Variants in LRP1B observed in about 807,000 individuals in gnomAD.
LRP1B encodes the protein LDL receptor related protein 1B.
A neutral mutation model predicts 556.6 loss-of-function variants in LRP1B; 217 were observed. The observed-to-expected ratio is 0.39, with a 90% CI of 0.35 to 0.44. The LOEUF (loss-of-function observed/expected upper bound fraction) is 0.44. Ranked by LOEUF, LRP1B falls within the 20% of genes least tolerant of loss-of-function variation. The pLI is 1.00. For missense variants in LRP1B, 5,053 were observed against 5,620.8 expected, an observed-to-expected ratio of 0.90 and a Z score of 3.23; for synonymous variants, 2,047 against 1,865.8, an observed-to-expected ratio of 1.10 and a Z score of -2.50.
chr2:141,732,059 G>T (rs1380796601), intron 2 of LRP1B, among the ~76,000 whole-genome samples: 3 of 152,050 alleles, frequency 2.0e-5, no homozygotes, highest in African/African-American at 7.2e-5. Context: ...ATCCAATATG[G>T]TATTTTTCAA....
intron 25 of LRP1B, among the ~76,000 whole-genome samples, chr2:140,876,605 G>A (rs12691578): frequency 0.84 from 127,511 of 152,050 alleles, 53,876 homozygotes; most frequent in Non-Finnish European, 0.89. Flanking sequence ...GACCTGGGGT[G>A]AGTAAAGAAC....
At chr2:141,641,817 T>C (rs1270225114) in intron 2 of LRP1B, among the ~76,000 whole-genome samples, 1 of 152,194 alleles carries the variant, frequency 6.6e-6, no homozygotes, top group Non-Finnish European at 1.5e-5. Flanking sequence ...TAACATTGTT[T>C]AATGATTTTT....
rs1574064641 is a variant in LRP1B, at chr2:141,544,340, C to CTTCTTCTTCTTCTTCTTCTTCTT, written c.206-63830_206-63808dup. On this transcript the variant is annotated intron_variant, in intron 2 of 90. Coordinates refer to ENST00000389484, the MANE Select transcript of LRP1B (RefSeq NM_018557.3). Reference sequence around the variant, plus strand: ...TCTTCTTCTTCTTCTTCTTCTTCTTCTTCTTCTTCTTCTTCTTCTTCTTCT... The same window carrying CTTCTTCTTCTTCTTCTTCTTCTT: ...TCTTCTTCTTCTTCTTCTTCTTCTTCTTCTTCTTCTTCTTCTTCTTCTTTTCTTCTTCTTCTTCTTCTTCTTCT... Among the ~76,000 whole-genome samples, 95 of 73,256 alleles carry CTTCTTCTTCTTCTTCTTCTTCTT rather than the reference C, an allele frequency of 1.3e-3. 7 individuals are homozygous for CTTCTTCTTCTTCTTCTTCTTCTT. The highest frequency in any genetic ancestry group is 4.0e-3 in the African/African-American group (74 of 18,322). The allele number at this position is 73,256 out of a possible 152,430, so 48.1% of individuals were successfully genotyped here. A position where few individuals can be genotyped will look rare whatever the true frequency, so the allele number is the denominator to read the frequency against.
chr2:141,759,979 A>C (rs10169311), intron 2 of LRP1B, among the ~76,000 whole-genome samples: 5,877 of 152,204 alleles, frequency 0.039, 362 homozygotes, highest in African/African-American at 0.13. Flanking sequence ...AAATACAAAA[A>C]TTAGCCGGGC....
At chr2:142,057,281 C>T (rs760565434) in intron 1 of LRP1B, among the ~76,000 whole-genome samples, 12 of 152,064 alleles carry the variant, frequency 7.9e-5, no homozygotes, top group Non-Finnish European at 1.5e-4. Flanking sequence ...TTTCTTGTTT[C>T]ATTTATGTAA....
At chr2:140,832,600 G>A (rs192128313) in intron 31 of LRP1B, among the ~76,000 whole-genome samples, 1 of 152,284 alleles carries the variant, frequency 6.6e-6, no homozygotes, top group African/African-American at 2.4e-5. Flanking sequence ...CAACATGCAT[G>A]GAGTGTCAGG....
At chr2:141,176,305 C>T (rs989054301) in intron 7 of LRP1B, among the ~76,000 whole-genome samples, 11 of 152,068 alleles carry the variant, frequency 7.2e-5, no homozygotes, top group African/African-American at 2.7e-4. Context: ...ACCCAAATCT[C>T]ATGTCCCATT....
At chr2:140,400,659 C>T (rs561858707) in intron 66 of LRP1B, among the ~76,000 whole-genome samples, 1 of 152,210 alleles carries the variant, frequency 6.6e-6, no homozygotes, top group South Asian at 2.1e-4. Context: ...GAGAGAATAA[C>T]GTGTAGAGAT....
At chr2:140,724,968 T>A (rs1404734815) in intron 35 of LRP1B, among the ~76,000 whole-genome samples, 1 of 152,200 alleles carries the variant, frequency 6.6e-6, no homozygotes, top group East Asian at 1.9e-4. Flanking sequence ...TCATTTATCC[T>A]CAGTGAACTT....
At chr2:142,059,368 A>G (rs950656256) in intron 1 of LRP1B, among the ~76,000 whole-genome samples, 11 of 152,140 alleles carry the variant, frequency 7.2e-5, no homozygotes, top group Non-Finnish European at 1.3e-4. Flanking sequence ...CTATCAGTTC[A>G]ATGTCAATAT....
At chr2:141,006,048 T>C (rs1421258067) in intron 14 of LRP1B, among the ~76,000 whole-genome samples, 2 of 151,914 alleles carry the variant, frequency 1.3e-5, no homozygotes, top group East Asian at 3.9e-4. Context: ...ACTAACGAGG[T>C]ATACAACAGA....
At chr2:141,416,623 T>A (rs1691117674) in intron 3 of LRP1B, among the ~76,000 whole-genome samples, 1 of 151,998 alleles carries the variant, frequency 6.6e-6, no homozygotes, top group Non-Finnish European at 1.5e-5. Context: ...CCAGTCTAAT[T>A]TTTGTTATTT....
intron 1 of LRP1B, among the ~76,000 whole-genome samples, chr2:141,838,462 C>T (rs985595144): frequency 1.3e-5 from 2 of 152,132 alleles, no homozygotes; most frequent in Non-Finnish European, 2.9e-5. Flanking sequence ...TTCAACTGAA[C>T]TATGATAACT....
At chr2:140,708,846 A>G (rs187112514) in intron 37 of LRP1B, among the ~76,000 whole-genome samples, 67 of 152,182 alleles carry the variant, frequency 4.4e-4, no homozygotes, top group African/African-American at 1.5e-3. Context: ...AATATTATAA[A>G]GAAGTTTTTA....
intron 2 of LRP1B, among the ~76,000 whole-genome samples, chr2:141,802,043 T>C (rs1396995448): frequency 6.6e-6 from 1 of 152,146 alleles, no homozygotes. Context: ...TGGTTTCCTC[T>C]GAGGCCTCTT....
chr2:142,115,682 A>G lies in LRP1B; in HGVS notation c.82+14966T>C, dbSNP rs867559481. Among the ~76,000 whole-genome samples the G allele has an allele frequency of 7.2e-4, 16 of 22,336 alleles. 6 individuals carry two copies. Among genetic ancestry groups the G allele is most frequent in the African/African-American group, 2.7e-3 (16 of 5,934 alleles). 14.7% of individuals were successfully genotyped at this position (22,336 alleles called of 152,430 possible). A position where few individuals can be genotyped will look rare whatever the true frequency, so the allele number is the denominator to read the frequency against. On this transcript the variant is annotated intron_variant, in intron 1 of 90. Transcript: ENST00000389484. Reference sequence around the variant, plus strand: ...TGTAATATATATATGTAATATATATATAATATATATGTAATATATATATAA... The same window carrying G: ...TGTAATATATATATGTAATATATATGTAATATATATGTAATATATATATAA...
intron 3 of LRP1B, among the ~76,000 whole-genome samples, chr2:141,412,481 A>G (rs1310987334): frequency 1.3e-5 from 2 of 152,208 alleles, no homozygotes. Context: ...CAAATAATCA[A>G]GACAGAAGTT....
intron 41 of LRP1B, among the ~76,000 whole-genome samples, chr2:140,659,486 T>C (rs567409169): frequency 6.6e-6 from 1 of 152,184 alleles, no homozygotes; most frequent in Admixed American, 6.5e-5. Flanking sequence ...CTGAGTTTTG[T>C]TAATGTTTAA....
chr2:142,028,277 A>G (rs527467841), intron 1 of LRP1B, among the ~76,000 whole-genome samples: 1 of 152,106 alleles, frequency 6.6e-6, no homozygotes, highest in South Asian at 2.1e-4. Flanking sequence ...TATCAAGATA[A>G]TTAGGTCGTG....
Sources: gnomAD v4.1 joint callset for allele counts (sites outside exome capture counted in the v4.1 genomes callset) on GRCh38, gnomAD v4.1.1 for gene constraint, MANE v1.5 for transcripts, NCBI Gene and HGNC (gene_info 2026-07-23, HGNC 2026-07-21) for gene names.